PPP3R1: variants seen among roughly 807,000 people sequenced by gnomAD.
The protein encoded by PPP3R1 is protein phosphatase 3 regulatory subunit B, alpha, also known as calcineurin subunit B type 1.
In PPP3R1, 5 loss-of-function variants were observed where a neutral mutation model predicts 22.6. That is an observed-to-expected ratio of 0.22 (90% confidence interval 0.12 to 0.46). The LOEUF (loss-of-function observed/expected upper bound fraction) is 0.46, where lower values mean the gene tolerates loss of function less well. Ranked by LOEUF, PPP3R1 falls within the 20% of genes least tolerant of loss-of-function variation. PPP3R1 has a pLI of 0.99. For synonymous variants in PPP3R1, 56 were observed against 65.2 expected (o/e 0.86, Z 0.68); for missense variants, 61 against 203.2 (o/e 0.30, Z 4.25).
intron 2 of PPP3R1, among the ~76,000 whole-genome samples, chr2:68,212,599 T>C (rs1225136292): frequency 6.6e-6 from 1 of 152,254 alleles, no homozygotes; most frequent in Non-Finnish European, 1.5e-5. Flanking sequence ...ACTACCTGCA[T>C]TGTCAATGAG....
intron 1 of PPP3R1, among the ~76,000 whole-genome samples, chr2:68,242,296 G>T (rs970270510): frequency 6.6e-6 from 1 of 152,040 alleles, no homozygotes; most frequent in African/African-American, 2.4e-5. Flanking sequence ...GTGTGGTGGT[G>T]CGCACCCGCA....
In PPP3R1 at chr2:68,249,022, A is replaced by C. The variant is rs147941980; in HGVS notation, c.3+3103T>G. On this transcript the variant is annotated intron_variant, in intron 1 of 5. Transcript: ENST00000234310. ...ACAAAATCTACAAGTATTTGTTGAT[A>C]GGAATGAATCCCTGTTGCTTGCCCC... Among the ~76,000 whole-genome samples, 500 of 152,338 alleles carry C rather than the reference A, an allele frequency of 3.3e-3. 6 individuals are homozygous for C. The highest frequency in any genetic ancestry group is 0.012 in the African/African-American group (479 of 41,580).
chr2:68,196,580 C>A (rs576680165), intron 2 of PPP3R1, among the ~76,000 whole-genome samples: 10 of 152,070 alleles, frequency 6.6e-5, no homozygotes, highest in Non-Finnish European at 1.5e-4. Context: ...GGTCTACATT[C>A]GAGAAATATA....
At chr2:68,251,740 T>A (rs1670361429) in intron 1 of PPP3R1, among the ~76,000 whole-genome samples, 2 of 151,244 alleles carry the variant, frequency 1.3e-5, no homozygotes, top group South Asian at 4.2e-4. Context: ...ACAGAGTGAG[T>A]GTGGAGGGGA....
At chr2:68,192,782 A>C (rs1198235241) in intron 2 of PPP3R1, among the ~76,000 whole-genome samples, 1 of 152,160 alleles carries the variant, frequency 6.6e-6, no homozygotes, top group Non-Finnish European at 1.5e-5. Context: ...TCTAATACAA[A>C]AAGTCTAAAG....
At chr2:68,227,233 C>T (rs1409659629) in intron 1 of PPP3R1, among the ~76,000 whole-genome samples, 1 of 152,004 alleles carries the variant, frequency 6.6e-6, no homozygotes, top group Non-Finnish European at 1.5e-5. Context: ...TCCTACAGAT[C>T]TGATCCCAAA....
At chr2:68,229,684 A>G (rs1423712184) in intron 1 of PPP3R1, among the ~76,000 whole-genome samples, 1 of 152,102 alleles carries the variant, frequency 6.6e-6, no homozygotes, top group African/African-American at 2.4e-5. Context: ...GGTCTACTTT[A>G]TCTAATATTA....
At chr2:68,191,074 T>A (rs374090240) in intron 2 of PPP3R1, among the ~76,000 whole-genome samples, 1 of 152,228 alleles carries the variant, frequency 6.6e-6, no homozygotes, top group African/African-American at 2.4e-5. Flanking sequence ...CTAGAACACA[T>A]GTATCAGAAA....
intron 1 of PPP3R1, among the ~76,000 whole-genome samples, chr2:68,234,421 C>A: frequency 6.6e-6 from 1 of 152,020 alleles, no homozygotes; most frequent in Non-Finnish European, 1.5e-5. Flanking sequence ...TGAACTCAAG[C>A]TAATATAAAT....
At chr2:68,199,028 A>T (rs992528970) in intron 2 of PPP3R1, among the ~76,000 whole-genome samples, 1 of 152,134 alleles carries the variant, frequency 6.6e-6, no homozygotes, top group African/African-American at 2.4e-5. Context: ...CAGTGGCACG[A>T]TCTTGGCTCA....
chr2:68,223,707 G>A, intron 1 of PPP3R1, among the ~76,000 whole-genome samples: 1 of 151,598 alleles, frequency 6.6e-6, no homozygotes, highest in East Asian at 1.9e-4. Flanking sequence ...ATCTATAAAA[G>A]GTTATCTACA....
At position 68,252,358 on chromosome 2, in the gene PPP3R1, G is replaced by A; in HGVS notation, c.-231C>T. 2.0e-6 allele frequency: 2 copies of A among 1,007,776 alleles called. No homozygotes were observed. The highest frequency in any genetic ancestry group is 2.4e-6 in the Non-Finnish European group (2 of 845,728). 62.4% of individuals were successfully genotyped at this position (1,007,776 alleles called of 1,614,324 possible). On this transcript the variant is annotated 5_prime_UTR_variant, in exon 1 of 6. Coordinates refer to ENST00000234310, the MANE Select transcript of PPP3R1 (RefSeq NM_000945.4). ...GGAAATAAATTAAGGTCGAGATTCA[G>A]AGCCGGAGAGCGCGGGAGGAGCAGC...
At chr2:68,206,086 G>T (rs1294240698) in intron 2 of PPP3R1, among the ~76,000 whole-genome samples, 1 of 152,168 alleles carries the variant, frequency 6.6e-6, no homozygotes, top group Non-Finnish European at 1.5e-5. Context: ...CCAAAGTGCT[G>T]GGATTACAGG....
chr2:68,196,733 A>G (rs1164694184), intron 2 of PPP3R1, among the ~76,000 whole-genome samples: 1 of 146,904 alleles, frequency 6.8e-6, no homozygotes, highest in Non-Finnish European at 1.5e-5. Context: ...TAAAAATGCT[A>G]TTTTTTTTTT....
chr2:68,192,711 T>G (rs1674691763), intron 2 of PPP3R1, among the ~76,000 whole-genome samples: 1 of 152,188 alleles, frequency 6.6e-6, no homozygotes, highest in South Asian at 2.1e-4. Flanking sequence ...AACAGTAATC[T>G]TTCTAAAAGG....
intron 1 of PPP3R1, among the ~76,000 whole-genome samples, chr2:68,240,621 T>TA (rs1670105874): frequency 6.6e-6 from 1 of 152,168 alleles, no homozygotes; most frequent in African/African-American, 2.4e-5. Flanking sequence ...CCCCCTTAGT[T>TA]AACTGAGGGA....
At chr2:68,242,759 G>A (rs919683255) in intron 1 of PPP3R1, among the ~76,000 whole-genome samples, 1 of 152,150 alleles carries the variant, frequency 6.6e-6, no homozygotes, top group Non-Finnish European at 1.5e-5. Flanking sequence ...GCCTAAAATA[G>A]GGGCTTGCTT....
In PPP3R1 at chr2:68,205,186, A is replaced by C. The variant is rs369920838; in HGVS notation, c.43+11906T>G. ...AAAAATGTTATCTATATCCCACCCCAGTTATTTCAGAGCAAATCCCAGACA... is the reference window on the plus strand; with the variant it reads ...AAAAATGTTATCTATATCCCACCCCCGTTATTTCAGAGCAAATCCCAGACA... On this transcript the variant is annotated intron_variant, in intron 2 of 5. Coordinates refer to ENST00000234310, the MANE Select transcript of PPP3R1 (RefSeq NM_000945.4). Among the ~76,000 whole-genome samples the C allele has an allele frequency of 4.0e-5, 6 of 151,378 alleles. No homozygotes were observed. In the East Asian group the frequency reaches 1.2e-3, roughly 29 times the overall value.
intron 1 of PPP3R1, among the ~76,000 whole-genome samples, chr2:68,231,907 G>A (rs565745340): frequency 6.6e-5 from 10 of 151,760 alleles, no homozygotes; most frequent in Non-Finnish European, 1.2e-4. Flanking sequence ...TCCCTAGAAA[G>A]TGTCCTGGGG....
Sources: gnomAD v4.1 joint callset for allele counts (sites outside exome capture counted in the v4.1 genomes callset) on GRCh38, gnomAD v4.1.1 for gene constraint, MANE v1.5 for transcripts, NCBI Gene and HGNC (gene_info 2026-07-23, HGNC 2026-07-21) for gene names.